The following CIZ1 variants were observed in gnomAD, a reference collection of about 807,000 sequenced individuals.
CIZ1 encodes the protein CDKN1A interacting zinc finger protein 1.
CIZ1 carries 58 observed loss-of-function variants against 118.6 expected under a neutral mutation model. The ratio of observed to expected loss-of-function variants is 0.49; its 90% confidence interval spans 0.40 to 0.61. The LOEUF (loss-of-function observed/expected upper bound fraction) is 0.61, where lower values mean the gene tolerates loss of function less well. CIZ1 is among the 20% of genes least tolerant of loss of function. The pLI is 0.00. For missense variants in CIZ1, 921 were observed against 1,115.9 expected (o/e 0.83, Z 2.49); for synonymous variants, 448 against 443.4 (o/e 1.01, Z -0.13).
chr9:128,180,662 G>GC, intron 6 of CIZ1, 59 bp downstream of exon 6: 1 of 1,396,258 alleles, frequency 7.2e-7, no homozygotes, highest in Non-Finnish European at 1.0e-6. Flanking sequence ...CTGCTGACCC[G>GC]CCCACTGGCC....
chr9:128,194,483 G>C (rs958277368), upstream of CIZ1, among the ~76,000 whole-genome samples: 1 of 151,698 alleles, frequency 6.6e-6, no homozygotes, highest in African/African-American at 2.4e-5. Context: ...ATAGCAGGTT[G>C]TTCATGGAAA....
Position 128,170,012 on chromosome 9 carries a change from C to T in CIZ1, c.2031+8G>A. 3 of 1,611,204 alleles carry T rather than the reference C, an allele frequency of 1.9e-6. No individual in the cohort carries two copies. Among genetic ancestry groups the T allele is most frequent in the Non-Finnish European group, 2.5e-6 (3 of 1,179,012 alleles). ...GCGGGTGCCTCTGCAGCGTGCAGGC[C>T]CTCCTACCTTGTGGTCCTGTGTCCT... On this transcript the variant is annotated splice_region_variant and intron_variant, in intron 12 of 16. Transcript: ENST00000372938.
At chr9:128,193,119 C>G (rs866013420), upstream of CIZ1, among the ~76,000 whole-genome samples, 48 of 152,220 alleles carry the variant, frequency 3.2e-4, no homozygotes, top group African/African-American at 1.1e-3. Flanking sequence ...GAGCCTAACT[C>G]AACCTGGACT....
intron 3 of CIZ1, among the ~76,000 whole-genome samples, chr9:128,188,632 C>CA (rs1564295876): frequency 6.9e-6 from 1 of 145,618 alleles, no homozygotes; most frequent in Non-Finnish European, 1.5e-5. Context: ...AGTTATTTTC[C>CA]TTTTTTTTTT....
At chr9:128,182,700 T>TA (rs1831832292) in intron 5 of CIZ1, among the ~76,000 whole-genome samples, 1 of 152,116 alleles carries the variant, frequency 6.6e-6, no homozygotes, top group Admixed American at 6.5e-5. Flanking sequence ...GGCCTTCACT[T>TA]AGAGCCTCAG....
At chr9:128,196,319 G>C (rs1833376462), upstream of CIZ1, among the ~76,000 whole-genome samples, 1 of 152,106 alleles carries the variant, frequency 6.6e-6, no homozygotes. Flanking sequence ...AGGCCAAGGT[G>C]GGAGGATTCC....
chr9:128,197,725 C>G (rs377752432), intron 1 of CIZ1: 1 of 152,280 alleles, frequency 6.6e-6, no homozygotes, highest in Non-Finnish European at 1.5e-5. Context: ...CTGCTACCTT[C>G]GCAACACCGG....
At chr9:128,195,072 A>G (rs991156148), upstream of CIZ1, among the ~76,000 whole-genome samples, 24 of 151,980 alleles carry the variant, frequency 1.6e-4, no homozygotes, top group African/African-American at 5.8e-4. Context: ...TTCTCCTACC[A>G]TGGTCTCCTG....
intron 1 of CIZ1, among the ~76,000 whole-genome samples, chr9:128,202,399 C>G (rs1344343570): frequency 6.6e-6 from 1 of 152,170 alleles, no homozygotes; most frequent in South Asian, 2.1e-4. Flanking sequence ...ATTGTAGGAG[C>G]CCTGGATTTG....
chr9:128,200,986 T>A (rs1833498731), intron 1 of CIZ1, among the ~76,000 whole-genome samples: 1 of 151,090 alleles, frequency 6.6e-6, no homozygotes, highest in Non-Finnish European at 1.5e-5. Context: ...ATACAAAAAT[T>A]GGCCGGGCGC....
Position 128,203,713 on chromosome 9 carries a change from G to T in CIZ1, c.-6+473C>A. The T allele has an allele frequency of 7.7e-7, 1 of 1,299,662 alleles. No individual in the cohort carries two copies. The highest frequency in any genetic ancestry group is 1.8e-5 in the South Asian group (1 of 54,440). 80.5% of individuals were successfully genotyped at this position (1,299,662 alleles called of 1,614,324 possible). A position where few individuals can be genotyped will look rare whatever the true frequency, so the allele number is the denominator to read the frequency against. Reference sequence around the variant, plus strand: ...CCGCCCGGGGCACTGACGGCGCGGCGACCTCGCAGCCCCCGACGCTGCACC... The same window carrying T: ...CCGCCCGGGGCACTGACGGCGCGGCTACCTCGCAGCCCCCGACGCTGCACC... On this transcript the variant is annotated intron_variant, in intron 1 of 17. Coordinates refer to the CIZ1 transcript ENST00000372948. This position sits in a 1 kb window ranked among gnomAD's most constrained non-coding sequence, Gnocchi z 5.3.
At chr9:128,176,646 A>G (rs1422932596) in intron 10 of CIZ1, among the ~76,000 whole-genome samples, 171 bp from the exon 11 acceptor site, 2 of 152,198 alleles carry the variant, frequency 1.3e-5, no homozygotes, top group African/African-American at 4.8e-5. Flanking sequence ...GACACAGGGT[A>G]CATGCCAGCC....
intron 3 of CIZ1, 24 bp from the exon 4 acceptor site, chr9:128,187,958 A>T: frequency 1.4e-6 from 1 of 726,904 alleles, no homozygotes; most frequent in Non-Finnish European, 2.6e-6. Context: ...ATTCGGCAAT[A>T]CTTATCAAGA....
chr9:128,191,894 G>A (rs1564304252), upstream of CIZ1: 4 of 1,447,100 alleles, frequency 2.8e-6, no homozygotes, highest in South Asian at 4.0e-5. This position sits in a 1 kb window ranked among gnomAD's most constrained non-coding sequence, Gnocchi z 5.5. Context: ...CTGGGGCCCC[G>A]CGCGGGGCTG....
chr9:128,178,848 C>T lies in CIZ1; in HGVS notation c.1359G>A (p.Val453=), dbSNP rs1393051990. 2 of 1,614,274 alleles carry T rather than the reference C, an allele frequency of 1.2e-6. No homozygotes were observed. The highest frequency in any genetic ancestry group is 1.7e-5 in the Admixed American group (1 of 60,032). Residue 453 remains valine, a synonymous_variant, in exon 8 of 17, where the codon GTG becomes GTA. Coordinates refer to ENST00000372938, the MANE Select transcript of CIZ1 (RefSeq NM_001131016.2). The stretch of plus-strand genomic sequence containing the variant: ...GGGTCTGCTCTGGTGGCTGTACTGA[C>T]ACCTGCGCTGGAGGATGCTCCTGTG... The part of the protein sequence containing the change: ...VQPQEHPPAQ[V]SVQPPEQTHE...
In CIZ1 at chr9:128,191,038, T is replaced by A. The variant is rs1175654521; in HGVS notation, c.-5-176A>T. ...CACTCGCTTGGCCCATCCTTCCAAG[T>A]TACCTCCAGTCCTGCTAGGGGCAAG... On this transcript the variant is annotated intron_variant, in intron 1 of 16. Transcript: ENST00000372938. The surrounding 1 kb of genome is among the most constrained non-coding windows in gnomAD (Gnocchi z 5.5). 6.6e-6 allele frequency among the ~76,000 whole-genome samples: 1 copy of A among 151,922 alleles called. No homozygotes were observed. The highest frequency in any genetic ancestry group is 2.4e-5 in the African/African-American group (1 of 41,350).
chr9:128,180,870 C>T (rs1221445805), intron 5 of CIZ1, 56 bp from the exon 6 acceptor site: 9 of 1,322,422 alleles, frequency 6.8e-6, no homozygotes, highest in Admixed American at 1.8e-5. Flanking sequence ...TCAATACCCC[C>T]TTGCCCAAGG....
intron 9 of CIZ1, among the ~76,000 whole-genome samples, 156 bp from the exon 10 acceptor site, chr9:128,177,919 T>C (rs142745836): frequency 2.0e-5 from 3 of 152,230 alleles, no homozygotes; most frequent in African/African-American, 7.2e-5. Flanking sequence ...CTTGCACAGC[T>C]AGAAAGCACT....
At chr9:128,194,742 T>C (rs1361887261), upstream of CIZ1, among the ~76,000 whole-genome samples, 3 of 152,042 alleles carry the variant, frequency 2.0e-5, no homozygotes, top group African/African-American at 7.2e-5. Flanking sequence ...CGCTTGAACC[T>C]GGTAGGCAGA....
Sources: allele counts gnomAD v4.1 joint callset (sites outside exome capture counted in the v4.1 genomes callset), GRCh38; gene constraint gnomAD v4.1.1; non-coding constraint Gnocchi (gnomAD v3.1); transcripts MANE v1.5; gene names NCBI Gene and HGNC (gene_info 2026-07-23, HGNC 2026-07-21).